The following ZNF429 variants were observed in gnomAD, a reference collection of about 807,000 sequenced individuals.
ZNF429 encodes the protein zinc finger protein 429.
ZNF429 carries 53 observed loss-of-function variants against 56.8 expected under a neutral mutation model. The observed-to-expected ratio is 0.93, with a 90% CI of 0.75 to 1.17. ZNF429 has a LOEUF of 1.17. Ranked by LOEUF, ZNF429 falls within the 50% of genes most tolerant of loss-of-function variation. The probability of loss-of-function intolerance (pLI) is 0.00; values close to 1 mark genes in which losing one functional copy is unlikely to be tolerated. For synonymous variants in ZNF429, 278 were observed against 264.7 expected, an observed-to-expected ratio of 1.05 and a Z score of -0.49; for missense variants, 849 against 788.4, an observed-to-expected ratio of 1.08 and a Z score of -0.92.
Position 21,505,696 on chromosome 19 carries a change from A to C in ZNF429, c.-76A>C, listed in dbSNP as rs932725481. The C allele has an allele frequency of 3.2e-6, 5 of 1,543,660 alleles. No homozygotes were observed. Among genetic ancestry groups the C allele is most frequent in the Non-Finnish European group, 4.4e-6 (5 of 1,124,558 alleles). On this transcript the variant is annotated 5_prime_UTR_variant, in exon 1 of 4. Transcript: ENST00000358491. Reference sequence around the variant, plus strand: ...CTGTGTCCTTTGTTCTTAGAGGCCCAGCCTGTGTGGCCCTGTGACCCGCAG... The same window carrying C: ...CTGTGTCCTTTGTTCTTAGAGGCCCCGCCTGTGTGGCCCTGTGACCCGCAG...
intron 3 of ZNF429, among the ~76,000 whole-genome samples, chr19:21,535,428 CTTTCTTTCTT>C: frequency 1.5e-4 from 1 of 6,792 alleles, no homozygotes; most frequent in African/African-American, 6.6e-4. Context: ...TTCTTTCTTT[CTTTCTTTCTT>C]TCTTTCTTTC....
intron 3 of ZNF429, among the ~76,000 whole-genome samples, chr19:21,531,035 G>A: frequency 1.3e-5 from 2 of 150,182 alleles, no homozygotes; most frequent in East Asian, 4.0e-4. Flanking sequence ...GAATCTGGGA[G>A]GCGGAGGTTG....
At chr19:21,515,968 C>A (rs2032717994) in intron 1 of ZNF429, among the ~76,000 whole-genome samples, 1 of 152,118 alleles carries the variant, frequency 6.6e-6, no homozygotes, top group Non-Finnish European at 1.5e-5. Flanking sequence ...CAGTACCATG[C>A]TGCTTTGGTT....
At chr19:21,512,489 A>G (rs1286352871) in intron 1 of ZNF429, among the ~76,000 whole-genome samples, 2 of 151,790 alleles carry the variant, frequency 1.3e-5, no homozygotes, top group Non-Finnish European at 2.9e-5. Context: ...ATGAAACCCC[A>G]TCTCTACTAA....
At chr19:21,515,760 T>C (rs963632826) in intron 1 of ZNF429, among the ~76,000 whole-genome samples, 1 of 152,188 alleles carries the variant, frequency 6.6e-6, no homozygotes. Flanking sequence ...AGTATATTTT[T>C]GTATATAGTA....
chr19:21,530,478 G>C, intron 2 of ZNF429, 111 bp from the exon 3 acceptor site: 1 of 592,282 alleles, frequency 1.7e-6, no homozygotes, highest in Non-Finnish European at 2.7e-6. Context: ...ATTGGTATTT[G>C]GGCATTAATT....
rs1250955413 is a variant in ZNF429, at chr19:21,539,257, GTC to G, written c.*1181_*1182del. Among the ~76,000 whole-genome samples the G allele has an allele frequency of 6.6e-6, 1 of 150,538 alleles. No individual in the cohort carries two copies. Among genetic ancestry groups the G allele is most frequent in the Non-Finnish European group, 1.5e-5 (1 of 67,994 alleles). ...AATATGATATTTAATACATAGAAAA[GTC>G]TACATGAATATCAGAATTTACAGTA... On this transcript the variant is annotated 3_prime_UTR_variant, in exon 4 of 4. Transcript: ENST00000358491.
At chr19:21,531,135 A>AAAAACAAAC in intron 3 of ZNF429, among the ~76,000 whole-genome samples, 2 of 140,984 alleles carry the variant, frequency 1.4e-5, no homozygotes, top group African/African-American at 5.3e-5. Context: ...AAAAACCAAA[A>AAAAACAAAC]AAAAAAAAAC....
chr19:21,524,746 A>C (rs2033104351), intron 1 of ZNF429, among the ~76,000 whole-genome samples: 1 of 152,128 alleles, frequency 6.6e-6, no homozygotes, highest in South Asian at 2.1e-4. Context: ...TATATTTCAG[A>C]CATTTGATGA....
At chr19:21,523,710 G>A (rs893567653) in intron 1 of ZNF429, among the ~76,000 whole-genome samples, 1 of 152,272 alleles carries the variant, frequency 6.6e-6, no homozygotes, top group Non-Finnish European at 1.5e-5. Context: ...GTAGATTCCA[G>A]TCAACTTGAA....
intron 3 of ZNF429, among the ~76,000 whole-genome samples, chr19:21,535,716 A>G: frequency 6.6e-6 from 1 of 151,610 alleles, no homozygotes; most frequent in Non-Finnish European, 1.5e-5. Flanking sequence ...GGGTTTCACC[A>G]TGTTGGCCAG....
chr19:21,523,410 G>A (rs750066176), intron 1 of ZNF429, among the ~76,000 whole-genome samples: 7 of 152,132 alleles, frequency 4.6e-5, no homozygotes, highest in Non-Finnish European at 5.9e-5. Flanking sequence ...TGTCAAACTC[G>A]GAGAGACATT....
intron 3 of ZNF429, among the ~76,000 whole-genome samples, chr19:21,534,879 G>A: frequency 9.3e-5 from 14 of 150,152 alleles, no homozygotes; most frequent in African/African-American, 3.2e-4. Context: ...GCGTGATCTC[G>A]GCTCACTGCA....
chr19:21,536,023 T>G, intron 3 of ZNF429, among the ~76,000 whole-genome samples: 9 of 152,168 alleles, frequency 5.9e-5, no homozygotes, highest in Non-Finnish European at 1.3e-4. Context: ...AACAGAAATG[T>G]TTTTCATTCT....
Position 21,508,180 on chromosome 19 carries a change from T to A in ZNF429, c.3+2406T>A, listed in dbSNP as rs185791696. ...GGCAGAAGAACTCGGGAGGCGGAGG[T>A]TGCGGTGAGCCGAGATCGTGCCATT... On this transcript the variant is annotated intron_variant, in intron 1 of 3. Transcript: ENST00000358491. Among the ~76,000 whole-genome samples, 9 of 150,094 alleles carry A rather than the reference T, an allele frequency of 6.0e-5. No homozygotes were observed. In the East Asian group the frequency reaches 1.8e-3, roughly 29 times the overall value.
intron 2 of ZNF429, among the ~76,000 whole-genome samples, chr19:21,530,322 C>T: frequency 6.6e-6 from 1 of 151,906 alleles, no homozygotes; most frequent in African/African-American, 2.4e-5. Flanking sequence ...GTGATAATTT[C>T]AGGAATTTGG....
At position 21,537,660 on chromosome 19, in the gene ZNF429, C is replaced by T. The variant is rs2033760341; in HGVS notation, c.1607C>T (p.Pro536Leu). The change falls in exon 4 of 4, where the codon CCT becomes CTT. Residue 536 changes from proline (P) to leucine (L), a missense_variant. By Grantham distance (98) the Pro-to-Leu change is moderately conservative. Transcript: ENST00000358491. ...AAGAAAATTCATACTGGAGAGAAACCTTACAAATGTGAAGAATGTGGCAAA... is the reference window on the plus strand; with the variant it reads ...AAGAAAATTCATACTGGAGAGAAACTTTACAAATGTGAAGAATGTGGCAAA... Reference protein sequence around the residue: ...QHKKIHTGEKPYKCEECGKAF... With the variant: ...QHKKIHTGEKLYKCEECGKAF... The T allele has an allele frequency of 6.2e-7, 1 of 1,613,420 alleles. No homozygotes were observed. The highest frequency in any genetic ancestry group is 8.5e-7 in the Non-Finnish European group (1 of 1,179,796).
In ZNF429 at chr19:21,539,216, T is replaced by C. The variant is rs1356608669; in HGVS notation, c.*1138T>C. Reference sequence around the variant, plus strand: ...ATAGATATGTATGATATTGAATACATGTATTAAATACATAGAATATGATAT... The same window carrying C: ...ATAGATATGTATGATATTGAATACACGTATTAAATACATAGAATATGATAT... On this transcript the variant is annotated 3_prime_UTR_variant, in exon 4 of 4. Transcript: ENST00000358491. Among the ~76,000 whole-genome samples, 1 of 152,116 alleles carries C rather than the reference T, an allele frequency of 6.6e-6. No homozygotes were observed. The highest frequency in any genetic ancestry group is 1.5e-5 in the Non-Finnish European group (1 of 68,022).
At position 21,536,345 on chromosome 19, in the gene ZNF429, G is replaced by C; in HGVS notation, c.292G>C (p.Val98Leu). The C allele has an allele frequency of 1.9e-6, 3 of 1,611,526 alleles. No homozygotes were observed. Among genetic ancestry groups the C allele is most frequent in the Non-Finnish European group, 1.7e-6 (2 of 1,179,242 alleles). ...EQDIKDSFQK[V>L]TLRRYDKRGH... ...AGACATAAAAGATTCTTTCCAAAAA[G>C]TGACACTGAGGAGATATGATAAACG... The change falls in exon 4 of 4, where the codon GTG (valine) becomes CTG (leucine). Residue 98 changes from valine to leucine, a missense_variant. Physicochemically the swap from Val to Leu is conservative, Grantham distance 32. Transcript: ENST00000358491.
Sources: gnomAD v4.1 joint callset for allele counts (sites outside exome capture counted in the v4.1 genomes callset) on GRCh38, gnomAD v4.1.1 for gene constraint, MANE v1.5 for transcripts, NCBI Gene and HGNC (gene_info 2026-07-23, HGNC 2026-07-21) for gene names.